Variants in TAF1 observed in about 807,000 individuals in gnomAD.
TAF1 encodes the protein transcription initiation factor TFIID subunit 1.
In TAF1, 2 loss-of-function variants were observed where a neutral mutation model predicts 138.5. The observed-to-expected ratio is 0.01, with a 90% CI of 0.01 to 0.05. The LOEUF is 0.05. Ranked by LOEUF, TAF1 falls within the 10% of genes least tolerant of loss-of-function variation. TAF1 has a pLI of 1.00. For missense variants in TAF1, 709 were observed against 1,478.0 expected, an observed-to-expected ratio of 0.48 and a Z score of 8.53; for synonymous variants, 437 against 503.2, an observed-to-expected ratio of 0.87 and a Z score of 1.76.
chrX:71,370,023 G>A (rs1211146893), intron 3 of TAF1, among the ~76,000 whole-genome samples: 7 of 109,893 alleles, frequency 6.4e-5, no homozygotes, highest in African/African-American at 1.6e-4. Context: ...CCAGGAGTTC[G>A]AGACCAGCCT....
chrX:71,419,709 G>A, intron 28 of TAF1, among the ~76,000 whole-genome samples: 1 of 111,266 alleles, frequency 9.0e-6, no homozygotes, highest in East Asian at 2.8e-4. Context: ...TGTCCTTCCA[G>A]AGCCCTGGCT....
At chrX:71,469,536 T>G (rs2038841455), downstream of TAF1, among the ~76,000 whole-genome samples, 1 of 107,231 alleles carries the variant, frequency 9.3e-6, no homozygotes, top group Admixed American at 1.0e-4. Context: ...CTACAAATAA[T>G]GAAAAAATTA....
chrX:71,429,519 G>C (rs975512806), intron 32 of TAF1, among the ~76,000 whole-genome samples: 1 of 110,412 alleles, frequency 9.1e-6, no homozygotes, highest in Non-Finnish European at 1.9e-5. Context: ...GTGGAATTAC[G>C]TTTGGTAGTG....
chrX:71,384,284 T>A, intron 13 of TAF1, 149 bp downstream of exon 13: 1 of 623,045 alleles, frequency 1.6e-6, no homozygotes, highest in Non-Finnish European at 2.4e-6. Flanking sequence ...AACGTAGCTG[T>A]AGTTAGAGAT....
At chrX:71,449,526 A>G (rs1029899965) in intron 32 of TAF1, among the ~76,000 whole-genome samples, 5 of 112,896 alleles carry the variant, frequency 4.4e-5, no homozygotes, top group Admixed American at 3.7e-4. Context: ...TCACGAATGT[A>G]TAAAACTAAT....
chrX:71,503,298 G>GTATATATATA (rs1161129315), intron 13 of TAF1, among the ~76,000 whole-genome samples: 5 of 80,289 alleles, frequency 6.2e-5, no homozygotes, highest in Admixed American at 2.9e-4. Flanking sequence ...ATATATATGT[G>GTATATATATA]TATATATATA....
At chrX:71,527,507 G>A (rs2040020582) in intron 13 of TAF1, among the ~76,000 whole-genome samples, 1 of 111,635 alleles carries the variant, frequency 9.0e-6, no homozygotes, top group Non-Finnish European at 1.9e-5. Context: ...AAAGGAGTGG[G>A]AGTAGCAGTG....
chrX:71,499,020 G>GA (rs2147564397), intron 13 of TAF1, among the ~76,000 whole-genome samples: 3 of 111,578 alleles, frequency 2.7e-5, no homozygotes, highest in African/African-American at 9.8e-5. Context: ...GACATGAGCT[G>GA]GCGTTTGCCC....
intron 13 of TAF1, among the ~76,000 whole-genome samples, chrX:71,524,019 C>CT (rs397895424): frequency 0.011 from 877 of 76,311 alleles, 8 homozygotes; most frequent in Non-Finnish European, 0.015. Context: ...TGTAATAGTT[C>CT]TTTTTTTTTT....
intron 25 of TAF1, among the ~76,000 whole-genome samples, chrX:71,404,326 A>T (rs2035339254): frequency 1.8e-5 from 2 of 110,606 alleles, no homozygotes; most frequent in Non-Finnish European, 3.8e-5. Flanking sequence ...CTATATACCT[A>T]GAGTCGGCCA....
intron 13 of TAF1, among the ~76,000 whole-genome samples, chrX:71,498,276 G>A: frequency 9.0e-6 from 1 of 111,430 alleles, no homozygotes; most frequent in Non-Finnish European, 1.9e-5. Context: ...AGAATGCAGG[G>A]GAATACAGAA....
At chrX:71,501,992 G>A (rs1015336782) in intron 13 of TAF1, among the ~76,000 whole-genome samples, 5 of 111,050 alleles carry the variant, frequency 4.5e-5, no homozygotes, top group Non-Finnish European at 9.4e-5. Context: ...GGACCTTTGC[G>A]GTGTTACAGC....
chrX:71,394,184 C>G lies in TAF1; in HGVS notation c.3345C>G (p.Ser1115Arg). ...IENMLQNKKT[S>R]SQLSREREEQ... ...ACATGTTGCAGAACAAGAAAACCAG[C>G]TCTCAGCTTTCACGTGAACGGGAGG... The change falls in exon 22 of 38, where the codon AGC becomes AGG. Residue 1115 changes from serine (S) to arginine (R), a missense_variant. Physicochemically the swap from Ser to Arg is moderately radical, Grantham distance 110 (BLOSUM62 -1). Coordinates refer to ENST00000423759, the MANE Select transcript of TAF1 (RefSeq NM_004606.5). 1 of 1,211,968 alleles carries G rather than the reference C, an allele frequency of 8.3e-7. No individual in the cohort carries two copies. Among genetic ancestry groups the G allele is most frequent in the Non-Finnish European group, 1.1e-6 (1 of 895,572 alleles).
At position 71,381,632 on chromosome X, in the gene TAF1, C is replaced by T. The variant is rs1264700693; in HGVS notation, c.1361-111C>T. On this transcript the variant is annotated intron_variant, in intron 8 of 37. Transcript: ENST00000423759. ...TTTTCAGTGGACACATGAATAACTC[C>T]ACTAACTCGCTCTACTAACATGAGT... is the stretch of plus-strand genomic sequence containing the variant. 2.9e-5 allele frequency: 24 copies of T among 835,730 alleles called. 1 individual carries two copies. The highest frequency in any genetic ancestry group is 4.1e-5 in the Non-Finnish European group (24 of 586,483). The allele number at this position is 835,730 out of a possible 1,213,427, so 68.9% of individuals were successfully genotyped here.
intron 8 of TAF1, among the ~76,000 whole-genome samples, chrX:71,380,346 A>C (rs1380214342): frequency 3.6e-5 from 4 of 111,315 alleles, no homozygotes. Context: ...GAGCCACCCC[A>C]CCCAGCCACA....
chrX:71,406,579 T>C, intron 25 of TAF1, 59 bp from the exon 26 acceptor site: 1 of 1,106,061 alleles, frequency 9.0e-7, no homozygotes, highest in Non-Finnish European at 1.2e-6. Flanking sequence ...ATAGTTGCTT[T>C]TTTTCCCCCT....
chrX:71,427,086 G>A (rs944260649), intron 32 of TAF1, among the ~76,000 whole-genome samples: 3 of 112,031 alleles, frequency 2.7e-5, no homozygotes, highest in Non-Finnish European at 3.8e-5. Context: ...GGATTGGACA[G>A]TCAGAAAGAC....
At position 71,378,819 on chromosome X, in the gene TAF1, C is replaced by T; in HGVS notation, c.1153-5C>T. ...GGATGTGTTTTTTCTTCCCTACTTA[C>T]ACAGGAATTTAGGAAACTTGAGGAA... On this transcript the variant is annotated splice_polypyrimidine_tract_variant and splice_region_variant and intron_variant, in intron 7 of 37. Transcript: ENST00000423759. The T allele has an allele frequency of 8.3e-7, 1 of 1,210,257 alleles. No individual in the cohort carries two copies. Among genetic ancestry groups the T allele is most frequent in the Non-Finnish European group, 1.1e-6 (1 of 894,578 alleles).
In TAF1 at chrX:71,420,893, C is replaced by T. The variant is rs765189953; in HGVS notation, c.4385-416C>T. 2.5e-3 allele frequency among the ~76,000 whole-genome samples: 280 copies of T among 112,682 alleles called. 2 individuals carry two copies. The highest frequency in any genetic ancestry group is 4.6e-3 in the Non-Finnish European group (242 of 53,184). ...CCCTACGCCCCCCGGGGCCCCCTCC[C>T]CGGCCTCCCCACCGGCCCCAGGCAC... On this transcript the variant is annotated intron_variant, in intron 28 of 37. Transcript: ENST00000423759.
Sources: gnomAD v4.1 joint callset for allele counts (sites outside exome capture counted in the v4.1 genomes callset) on GRCh38, gnomAD v4.1.1 for gene constraint, MANE v1.5 for transcripts, NCBI Gene and HGNC (gene_info 2026-07-23, HGNC 2026-07-21) for gene names.